Variants in MLLT3 observed in about 807,000 individuals in gnomAD.
MLLT3 encodes the protein MLLT3 super elongation complex subunit.
A neutral mutation model predicts 53.2 loss-of-function variants in MLLT3; 4 were observed. That is an observed-to-expected ratio of 0.08 (90% CI 0.04 to 0.17). MLLT3 has a LOEUF of 0.17. MLLT3 is among the 10% of genes least tolerant of loss of function. The pLI is 1.00. For missense variants in MLLT3, 569 were observed against 684.0 expected, an observed-to-expected ratio of 0.83 and a Z score of 1.87; for synonymous variants, 283 against 230.6, an observed-to-expected ratio of 1.23 and a Z score of -2.06.
chr9:20,521,008 C>T (rs1263590656), intron 2 of MLLT3, among the ~76,000 whole-genome samples: 4 of 151,978 alleles, frequency 2.6e-5, no homozygotes, highest in Non-Finnish European at 5.9e-5. Flanking sequence ...ATTCACAGAA[C>T]CTTTGAAATA....
At chr9:20,543,750 AAAGG>A (rs1393884117) in intron 2 of MLLT3, among the ~76,000 whole-genome samples, 1 of 151,598 alleles carries the variant, frequency 6.6e-6, no homozygotes, top group Non-Finnish European at 1.5e-5. Context: ...GAGGAGGATA[AAAGG>A]AAGGAAAAGG....
intron 2 of MLLT3, among the ~76,000 whole-genome samples, chr9:20,594,272 T>A (rs898249360): frequency 6.6e-6 from 1 of 152,120 alleles, no homozygotes; most frequent in Non-Finnish European, 1.5e-5. Context: ...TTTATTAATC[T>A]TCTAGATATC....
At chr9:20,414,556 A>G in intron 4 of MLLT3, 131 bp from the exon 5 acceptor site, 3 of 1,386,320 alleles carry the variant, frequency 2.2e-6, no homozygotes, top group Non-Finnish European at 1.9e-6. Flanking sequence ...ATATTTTAAT[A>G]TAAACCAAAA....
chr9:20,361,510 T>C (rs1821321926), intron 7 of MLLT3, among the ~76,000 whole-genome samples: 1 of 152,222 alleles, frequency 6.6e-6, no homozygotes, highest in South Asian at 2.1e-4. Flanking sequence ...TACTGTGTCA[T>C]TATTCAAGGC....
intron 2 of MLLT3, among the ~76,000 whole-genome samples, chr9:20,540,196 G>C (rs1587045505): frequency 6.6e-6 from 1 of 152,248 alleles, no homozygotes; most frequent in Non-Finnish European, 1.5e-5. Flanking sequence ...TCACGGGCTG[G>C]TGTTGAGTGT....
intron 5 of MLLT3, among the ~76,000 whole-genome samples, chr9:20,383,890 A>G (rs1171381044): frequency 1.3e-5 from 2 of 152,030 alleles, no homozygotes; most frequent in East Asian, 3.8e-4. Context: ...CAGAATAAAC[A>G]AAGATGAGAA....
intron 2 of MLLT3, among the ~76,000 whole-genome samples, chr9:20,508,919 G>T (rs559275154): frequency 2.0e-5 from 3 of 152,222 alleles, no homozygotes; most frequent in African/African-American, 7.2e-5. Context: ...TATGGTATAT[G>T]ATTTCATTTT....
At chr9:20,543,408 C>G (rs1482637145) in intron 2 of MLLT3, among the ~76,000 whole-genome samples, 1 of 152,200 alleles carries the variant, frequency 6.6e-6, no homozygotes, top group Non-Finnish European at 1.5e-5. Context: ...ATGGGTATGG[C>G]TTATGGTGCC....
At chr9:20,454,672 T>A (rs1332458382) in intron 3 of MLLT3, among the ~76,000 whole-genome samples, 1 of 152,118 alleles carries the variant, frequency 6.6e-6, no homozygotes, top group Non-Finnish European at 1.5e-5. Flanking sequence ...GATCCCTAGA[T>A]GAAATTAAAA....
chr9:20,379,685 A>T (rs1821859082), intron 5 of MLLT3, among the ~76,000 whole-genome samples: 1 of 152,068 alleles, frequency 6.6e-6, no homozygotes, highest in East Asian at 1.9e-4. Flanking sequence ...TCAGCATCTA[A>T]TTCCTAACCA....
chr9:20,367,948 C>G (rs1282250048), intron 5 of MLLT3, among the ~76,000 whole-genome samples: 1 of 152,174 alleles, frequency 6.6e-6, no homozygotes, highest in African/African-American at 2.4e-5. Context: ...CACTTTATTC[C>G]TAATGCACAA....
intron 2 of MLLT3, among the ~76,000 whole-genome samples, chr9:20,576,175 C>T (rs1269741430): frequency 6.6e-6 from 1 of 152,186 alleles, no homozygotes; most frequent in Non-Finnish European, 1.5e-5. Flanking sequence ...CTGCAGTTGC[C>T]TCACCTCTCT....
chr9:20,581,368 A>T (rs1261284434), intron 2 of MLLT3, among the ~76,000 whole-genome samples: 1 of 152,192 alleles, frequency 6.6e-6, no homozygotes, highest in Non-Finnish European at 1.5e-5. Flanking sequence ...TAATTTACAT[A>T]CTGACAATGT....
At chr9:20,544,622 T>C (rs956380717) in intron 2 of MLLT3, among the ~76,000 whole-genome samples, 8 of 152,344 alleles carry the variant, frequency 5.3e-5, no homozygotes, top group African/African-American at 1.9e-4. Context: ...AGAATCCTTG[T>C]GCACTGTCAT....
At chr9:20,454,030 T>C (rs564140935) in intron 3 of MLLT3, among the ~76,000 whole-genome samples, 3 of 152,316 alleles carry the variant, frequency 2.0e-5, no homozygotes, top group African/African-American at 4.8e-5. Context: ...ACAGAAAATC[T>C]ACGATGTTCC....
chr9:20,388,554 C>T (rs146208376), intron 5 of MLLT3, among the ~76,000 whole-genome samples: 2 of 152,060 alleles, frequency 1.3e-5, no homozygotes, highest in African/African-American at 4.8e-5. Flanking sequence ...TGCCACTGCA[C>T]TATGGCCTGG....
At chr9:20,466,107 A>T (rs10123324) in intron 2 of MLLT3, among the ~76,000 whole-genome samples, 56,369 of 151,996 alleles carry the variant, frequency 0.37, 11,980 homozygotes, top group African/African-American at 0.59. Flanking sequence ...CTAGTTTTAG[A>T]TACAGGTTGA....
chr9:20,467,086 CTA>C (rs1824255290), intron 2 of MLLT3, among the ~76,000 whole-genome samples: 1 of 151,526 alleles, frequency 6.6e-6, no homozygotes, highest in Admixed American at 6.6e-5. Context: ...ACTAGAGACA[CTA>C]TGAAAATAAG....
intron 2 of MLLT3, among the ~76,000 whole-genome samples, chr9:20,566,070 G>GTATA (rs59918419): frequency 0.023 from 3,003 of 131,270 alleles, 85 homozygotes; most frequent in African/African-American, 0.063. Context: ...ATATATTTGT[G>GTATA]TATATATATA....
Sources: gnomAD v4.1 joint callset for allele counts (sites outside exome capture counted in the v4.1 genomes callset) on GRCh38, gnomAD v4.1.1 for gene constraint, MANE v1.5 for transcripts, NCBI Gene and HGNC (gene_info 2026-07-23, HGNC 2026-07-21) for gene names.